The following RPS6KC1 variants were observed in gnomAD, a reference collection of about 807,000 sequenced individuals.
RPS6KC1 encodes the protein inactive ribosomal protein S6 kinase delta-1.
Under a neutral mutation model 103.8 loss-of-function variants are expected in RPS6KC1, and 54 were observed. The observed-to-expected ratio is 0.52, with a 90% confidence interval of 0.42 to 0.65. The LOEUF is 0.65. Ranked by LOEUF, RPS6KC1 falls within the 30% of genes least tolerant of loss-of-function variation. RPS6KC1 has a pLI of 0.00. For synonymous variants in RPS6KC1, 439 were observed against 438.7 expected (o/e 1.00, Z -0.01); for missense variants, 1,151 against 1,253.8 (o/e 0.92, Z 1.24).
chr1:213,187,588 T>C (rs2092586125), intron 8 of RPS6KC1, among the ~76,000 whole-genome samples: 1 of 152,070 alleles, frequency 6.6e-6, no homozygotes, highest in Non-Finnish European at 1.5e-5. Context: ...TTTGAGTTGC[T>C]TTTGTATGTT....
At chr1:213,182,923 T>C (rs185474947) in intron 8 of RPS6KC1, among the ~76,000 whole-genome samples, 1 of 149,904 alleles carries the variant, frequency 6.7e-6, no homozygotes, top group East Asian at 1.9e-4. Flanking sequence ...TCATGATATA[T>C]ATCATGTTTG....
intron 1 of RPS6KC1, among the ~76,000 whole-genome samples, chr1:213,070,487 A>G (rs2078766985): frequency 6.6e-6 from 1 of 152,234 alleles, no homozygotes; most frequent in East Asian, 1.9e-4. Flanking sequence ...TGAGCAAAGA[A>G]TGATTCACAA....
chr1:213,197,127 G>A (rs545877583), intron 8 of RPS6KC1, among the ~76,000 whole-genome samples: 36 of 152,254 alleles, frequency 2.4e-4, no homozygotes, highest in Admixed American at 1.9e-3. Flanking sequence ...ATGAGCCACC[G>A]TGCCCGGCCT....
At chr1:213,480,515 T>A in the RPS6KC1 span, among the ~76,000 whole-genome samples, 1 of 152,224 alleles carries the variant, frequency 6.6e-6, no homozygotes, top group East Asian at 1.9e-4. Flanking sequence ...ATAGTTTATC[T>A]GCAAATAATG....
chr1:213,169,548 A>T (rs1158469350), intron 7 of RPS6KC1, among the ~76,000 whole-genome samples: 1 of 151,892 alleles, frequency 6.6e-6, no homozygotes, highest in Non-Finnish European at 1.5e-5. Flanking sequence ...CTTTTTCACC[A>T]TTGAATTTTA....
At chr1:213,663,122 A>T in the RPS6KC1 span, among the ~76,000 whole-genome samples, 5 of 152,110 alleles carry the variant, frequency 3.3e-5, no homozygotes, top group Non-Finnish European at 7.4e-5. Flanking sequence ...TTCTCATGGG[A>T]TTATTGGGTT....
intron 6 of RPS6KC1, among the ~76,000 whole-genome samples, chr1:213,152,779 C>A (rs1255745691): frequency 6.6e-6 from 1 of 151,792 alleles, no homozygotes. Context: ...CAGAGGGGCT[C>A]CTCACATCCC....
the RPS6KC1 span, among the ~76,000 whole-genome samples, chr1:213,675,640 G>T: frequency 6.6e-6 from 1 of 152,166 alleles, no homozygotes; most frequent in African/African-American, 2.4e-5. Flanking sequence ...ACTTTGGGAG[G>T]CTGAGGCAGG....
chr1:213,555,664 G>A, the RPS6KC1 span, among the ~76,000 whole-genome samples: 1 of 152,132 alleles, frequency 6.6e-6, no homozygotes, highest in Non-Finnish European at 1.5e-5. Flanking sequence ...CTTTCAACAG[G>A]CTGTAGTGCT....
the RPS6KC1 span, among the ~76,000 whole-genome samples, chr1:213,824,477 G>A: frequency 3.3e-5 from 5 of 152,062 alleles, no homozygotes; most frequent in East Asian, 5.8e-4. Flanking sequence ...AAATCACATC[G>A]CCTGCACTGC....
chr1:213,675,600 G>A, the RPS6KC1 span, among the ~76,000 whole-genome samples: 1 of 152,190 alleles, frequency 6.6e-6, no homozygotes, highest in Non-Finnish European at 1.5e-5. Context: ...GTCTAGGCTG[G>A]GCATGGTGGC....
At chr1:213,563,162 A>G in the RPS6KC1 span, among the ~76,000 whole-genome samples, 2 of 152,126 alleles carry the variant, frequency 1.3e-5, no homozygotes, top group Non-Finnish European at 2.9e-5. Flanking sequence ...TTATGTGTAT[A>G]GGCATTTGCA....
At chr1:213,322,639 T>G in the RPS6KC1 span, among the ~76,000 whole-genome samples, 1 of 152,246 alleles carries the variant, frequency 6.6e-6, no homozygotes, top group Non-Finnish European at 1.5e-5. Flanking sequence ...GTGTTCTTTC[T>G]GAAGGCTCTA....
chr1:213,311,012 C>T, the RPS6KC1 span, among the ~76,000 whole-genome samples: 1 of 152,186 alleles, frequency 6.6e-6, no homozygotes, highest in African/African-American at 2.4e-5. Context: ...GGGGCGAAGA[C>T]ACTCGTTCAG....
chr1:213,676,584 G>T, the RPS6KC1 span, among the ~76,000 whole-genome samples: 1 of 152,154 alleles, frequency 6.6e-6, no homozygotes, highest in Non-Finnish European at 1.5e-5. Context: ...GGCCCCATTG[G>T]CTTCAGGTAC....
At chr1:213,099,646 G>T (rs1279574868) in intron 3 of RPS6KC1, among the ~76,000 whole-genome samples, 1 of 152,052 alleles carries the variant, frequency 6.6e-6, no homozygotes, top group Non-Finnish European at 1.5e-5. Context: ...TTTGCTTCTT[G>T]CCCCTTCCCT....
chr1:213,461,413 A>C, the RPS6KC1 span, among the ~76,000 whole-genome samples: 2 of 152,200 alleles, frequency 1.3e-5, no homozygotes, highest in African/African-American at 4.8e-5. Context: ...GGCTTTCTTC[A>C]CAGAGTTAGA....
the RPS6KC1 span, among the ~76,000 whole-genome samples, chr1:213,702,623 G>T: frequency 6.6e-6 from 1 of 151,932 alleles, no homozygotes; most frequent in South Asian, 2.1e-4. Context: ...ATTTAAAATT[G>T]TTATAACTTC....
At chr1:213,215,249 G>A (rs1446904355) in intron 8 of RPS6KC1, among the ~76,000 whole-genome samples, 1 of 152,190 alleles carries the variant, frequency 6.6e-6, no homozygotes, top group African/African-American at 2.4e-5. Context: ...TTCAGTAGCC[G>A]ATGCGATCAA....
Sources: gnomAD v4.1 joint callset for allele counts (sites outside exome capture counted in the v4.1 genomes callset) on GRCh38, gnomAD v4.1.1 for gene constraint, MANE v1.5 for transcripts, NCBI Gene and HGNC (gene_info 2026-07-23, HGNC 2026-07-21) for gene names.